Variants in STARD13 observed in about 807,000 individuals in gnomAD.
STARD13 encodes StAR related lipid transfer domain containing 13.
STARD13 carries 62 observed loss-of-function variants against 106.4 expected under a neutral mutation model. The observed-to-expected ratio is 0.58, with a 90% confidence interval of 0.48 to 0.72. The LOEUF (loss-of-function observed/expected upper bound fraction) is 0.72. STARD13 is among the 30% of genes least tolerant of loss of function. The pLI, the probability that STARD13 is intolerant of heterozygous loss-of-function variation, is 0.00. For missense variants in STARD13, 1,387 were observed against 1,424.0 expected, an observed-to-expected ratio of 0.97 and a Z score of 0.42; for synonymous variants, 565 against 553.0, an observed-to-expected ratio of 1.02 and a Z score of -0.31.
At chr13:33,169,416 T>A (rs1883692523) in intron 1 of STARD13, among the ~76,000 whole-genome samples, 1 of 152,198 alleles carries the variant, frequency 6.6e-6, no homozygotes, top group Non-Finnish European at 1.5e-5. Context: ...CTGTAACGTG[T>A]GGAAAATGTG....
chr13:33,575,479 C>T, the STARD13 span, among the ~76,000 whole-genome samples: 1 of 152,088 alleles, frequency 6.6e-6, no homozygotes, highest in Non-Finnish European at 1.5e-5. Flanking sequence ...CACCAAAACT[C>T]ATGTTGAAAC....
chr13:33,650,460 G>A, the STARD13 span, among the ~76,000 whole-genome samples: 24 of 151,954 alleles, frequency 1.6e-4, no homozygotes, highest in African/African-American at 5.8e-4. Flanking sequence ...AAAGTGCTGG[G>A]ATTACAGGCG....
At chr13:33,378,272 G>A in the STARD13 span, among the ~76,000 whole-genome samples, 9 of 152,098 alleles carry the variant, frequency 5.9e-5, no homozygotes, top group African/African-American at 1.9e-4. Context: ...CAGGCTGAAC[G>A]TCCACTGTGC....
At chr13:33,247,894 C>T (rs935629180) in intron 1 of STARD13, among the ~76,000 whole-genome samples, 1 of 152,150 alleles carries the variant, frequency 6.6e-6, no homozygotes, top group Non-Finnish European at 1.5e-5. Flanking sequence ...CATGAATGGC[C>T]AGGTGATTCT....
chr13:33,636,647 G>T, the STARD13 span, among the ~76,000 whole-genome samples: 1 of 152,290 alleles, frequency 6.6e-6, no homozygotes, highest in African/African-American at 2.4e-5. Context: ...ATCTCCAGAA[G>T]AATAGGAGAT....
the STARD13 span, among the ~76,000 whole-genome samples, chr13:33,400,927 T>C: frequency 3.9e-5 from 6 of 152,358 alleles, 1 homozygote; most frequent in East Asian, 5.8e-4. Flanking sequence ...TAACGTGGAA[T>C]GTCAAAACGA....
At chr13:33,426,339 T>C in the STARD13 span, among the ~76,000 whole-genome samples, 6 of 152,192 alleles carry the variant, frequency 3.9e-5, no homozygotes, top group Non-Finnish European at 8.8e-5. Context: ...TTTCTCCACA[T>C]TGACAGTGAC....
chr13:33,377,275 AGCAGC>A, the STARD13 span, among the ~76,000 whole-genome samples: 1 of 151,838 alleles, frequency 6.6e-6, no homozygotes, highest in South Asian at 2.1e-4. Context: ...AAAAATCTGA[AGCAGC>A]AAACAAGAGC....
the STARD13 span, among the ~76,000 whole-genome samples, chr13:33,476,411 G>A: frequency 6.6e-6 from 1 of 152,168 alleles, no homozygotes; most frequent in Non-Finnish European, 1.5e-5. Flanking sequence ...TCTTAGCAAT[G>A]TGTGACACTC....
chr13:33,668,137 C>T, the STARD13 span, among the ~76,000 whole-genome samples: 110 of 152,312 alleles, frequency 7.2e-4, no homozygotes, highest in African/African-American at 2.2e-3. Flanking sequence ...CTGCCCAATT[C>T]GGGGATCATT....
chr13:33,212,031 A>G (rs960386901), intron 1 of STARD13, among the ~76,000 whole-genome samples: 1 of 152,220 alleles, frequency 6.6e-6, no homozygotes. Flanking sequence ...GGAGATTTTC[A>G]AATAAACAAA....
At chr13:33,311,318 A>T (rs1177074376) in intron 1 of STARD13, among the ~76,000 whole-genome samples, 1 of 152,118 alleles carries the variant, frequency 6.6e-6, no homozygotes, top group Non-Finnish European at 1.5e-5. Context: ...ACTAAAAATA[A>T]AAAGATAAAA....
At chr13:33,453,952 G>T in the STARD13 span, among the ~76,000 whole-genome samples, 1 of 152,222 alleles carries the variant, frequency 6.6e-6, no homozygotes, top group East Asian at 1.9e-4. Context: ...GATAGTTCGT[G>T]ATGTGAGACC....
At position 33,110,823 on chromosome 13, in the gene STARD13, G is replaced by T; in HGVS notation, c.2692C>A (p.Gln898Lys). ...HVPTLEELGT[Q>K]LEESGATFHT... ...AAAGTTGCCCCACTCTCCTCCAGCT[G>T]TGTCCCCAATTCTTCCAGGGTTGGC... Residue 898 changes from glutamine (Q) to lysine (K), a missense_variant, in exon 11 of 14, where the codon CAG (glutamine) becomes AAG (lysine). Coordinates refer to ENST00000336934, the MANE Select transcript of STARD13 (RefSeq NM_178006.4). 1.2e-6 allele frequency: 2 copies of T among 1,614,186 alleles called. No homozygotes were observed. Among genetic ancestry groups the T allele is most frequent in the Non-Finnish European group, 1.7e-6 (2 of 1,180,040 alleles).
chr13:33,133,574 C>G (rs1020878727), intron 4 of STARD13, among the ~76,000 whole-genome samples: 8 of 150,754 alleles, frequency 5.3e-5, no homozygotes, highest in African/African-American at 1.9e-4. Flanking sequence ...ATGGATATTT[C>G]AAACTATTTG....
chr13:33,441,678 T>C, the STARD13 span, among the ~76,000 whole-genome samples: 1 of 152,218 alleles, frequency 6.6e-6, no homozygotes, highest in African/African-American at 2.4e-5. Flanking sequence ...AGGTACACAG[T>C]ATTCTACAAG....
At chr13:33,559,964 C>T in the STARD13 span, among the ~76,000 whole-genome samples, 15,085 of 151,570 alleles carry the variant, frequency 0.1, 994 homozygotes, top group Admixed American at 0.16. Flanking sequence ...AATGTGCTAG[C>T]ACCTTGATCT....
intron 1 of STARD13, chr13:33,186,124 C>G (rs1016646727): frequency 3.5e-6 from 5 of 1,425,222 alleles, no homozygotes; most frequent in Non-Finnish European, 2.8e-6. Context: ...CAGTGACCTG[C>G]GAAGCCTCAG....
intron 1 of STARD13, among the ~76,000 whole-genome samples, chr13:33,222,031 C>T (rs940134078): frequency 1.7e-4 from 26 of 152,062 alleles, no homozygotes; most frequent in Non-Finnish European, 4.4e-5. Flanking sequence ...CACCTGCAGT[C>T]CTAGCTACTC....
Sources: allele counts gnomAD v4.1 joint callset (sites outside exome capture counted in the v4.1 genomes callset), GRCh38; gene constraint gnomAD v4.1.1; transcripts MANE v1.5; gene names NCBI Gene and HGNC (gene_info 2026-07-23, HGNC 2026-07-21).